Variants in PRKAR1B observed in about 807,000 individuals in gnomAD.
PRKAR1B encodes the protein protein kinase cAMP-dependent type I regulatory subunit beta.
PRKAR1B carries 22 observed loss-of-function variants against 46.5 expected under a neutral mutation model. That is an observed-to-expected ratio of 0.47 (90% CI 0.34 to 0.68). PRKAR1B has a LOEUF of 0.68. PRKAR1B is among the 30% of genes least tolerant of loss of function. The pLI is 0.01. For synonymous variants in PRKAR1B, 259 were observed against 217.7 expected (o/e 1.19, Z -1.67); for missense variants, 445 against 535.6 (o/e 0.83, Z 1.67).
chr7:614,441 G>A (rs1013274982), intron 4 of PRKAR1B, among the ~76,000 whole-genome samples: 7 of 152,150 alleles, frequency 4.6e-5, no homozygotes, highest in African/African-American at 1.7e-4. Context: ...TCACAGACAA[G>A]GAAGCTGAGG....
intron 7 of PRKAR1B, among the ~76,000 whole-genome samples, chr7:589,189 C>T (rs978012697): frequency 2.0e-5 from 3 of 151,628 alleles, no homozygotes; most frequent in African/African-American, 4.8e-5. Context: ...CTCTGGTCTT[C>T]GGTTTCTCCA....
At chr7:705,975 G>A (rs537941075) in intron 2 of PRKAR1B, among the ~76,000 whole-genome samples, 5 of 152,008 alleles carry the variant, frequency 3.3e-5, no homozygotes, top group South Asian at 2.1e-4. Flanking sequence ...GCAGTGAGCT[G>A]AGACTGTGCC....
At chr7:709,531 C>T (rs1181393548) in intron 2 of PRKAR1B, among the ~76,000 whole-genome samples, 14 of 151,962 alleles carry the variant, frequency 9.2e-5, no homozygotes, top group Non-Finnish European at 1.8e-4. Flanking sequence ...CCACCTCGCC[C>T]GGCTAATTTT....
intron 9 of PRKAR1B, among the ~76,000 whole-genome samples, chr7:571,257 C>T (rs934440903): frequency 1.3e-5 from 2 of 152,214 alleles, no homozygotes; most frequent in African/African-American, 2.4e-5. Flanking sequence ...GTCCGAGACC[C>T]CAGCCAGGAG....
At chr7:705,684 T>C (rs1780286174) in intron 2 of PRKAR1B, among the ~76,000 whole-genome samples, 2 of 152,148 alleles carry the variant, frequency 1.3e-5, no homozygotes, top group South Asian at 4.1e-4. Context: ...AATCCATCTA[T>C]GCAACAGAAC....
At chr7:599,974 C>T (rs1413852537) in intron 6 of PRKAR1B, among the ~76,000 whole-genome samples, 1 of 122,470 alleles carries the variant, frequency 8.2e-6, no homozygotes, top group Admixed American at 7.7e-5. Flanking sequence ...GCAGGCCCCC[C>T]ATTCACCTTC....
chr7:583,438 A>ACTCACACAC, intron 8 of PRKAR1B, among the ~76,000 whole-genome samples: 1 of 117,656 alleles, frequency 8.5e-6, no homozygotes, highest in African/African-American at 3.2e-5. Context: ...ACACACCCAC[A>ACTCACACAC]GTGCACACTC....
intron 7 of PRKAR1B, among the ~76,000 whole-genome samples, chr7:586,764 T>C (rs981682947): frequency 2.6e-5 from 4 of 152,182 alleles, no homozygotes; most frequent in South Asian, 2.1e-4. Flanking sequence ...TAGGTTAAGA[T>C]AGAAAACTAT....
chr7:698,246 AT>A (rs1232319406), intron 2 of PRKAR1B, among the ~76,000 whole-genome samples: 1 of 152,142 alleles, frequency 6.6e-6, no homozygotes, highest in Non-Finnish European at 1.5e-5. Flanking sequence ...CTCTATAAAA[AT>A]ATTAAGAAAA....
At position 584,510 on chromosome 7, in the gene PRKAR1B, A is replaced by C. The variant is rs1352802448; in HGVS notation, c.767T>G (p.Leu256Arg). The change falls in exon 8 of 11, where the codon CTA becomes CGA. Residue 256 changes from leucine to arginine, a missense_variant and splice_region_variant. Around this residue, in one of 5 missense-constraint regions of PRKAR1B, gnomAD observed 51 missense variants for 85.1 expected, o/e 0.60. Coordinates refer to ENST00000537384, the MANE Select transcript of PRKAR1B (RefSeq NM_001164760.2). ...YEEFLSKVSI[L>R]ESLEKWERLT... ...CGTGCAGGGGCGCAGCCACTGACCT[A>C]GGATGGAGACCTTGCTGAGGAACTC... The C allele has an allele frequency of 6.2e-7, 1 of 1,613,734 alleles. No homozygotes were observed. Among genetic ancestry groups the C allele is most frequent in the Non-Finnish European group, 8.5e-7 (1 of 1,179,916 alleles).
At chr7:681,656 G>T (rs537900559) in intron 2 of PRKAR1B, among the ~76,000 whole-genome samples, 4 of 152,286 alleles carry the variant, frequency 2.6e-5, no homozygotes, top group Non-Finnish European at 5.9e-5. Context: ...TCCTCCACGT[G>T]GGCTGGGGTT....
chr7:550,306 C>T lies in PRKAR1B; in HGVS notation c.*124G>A. 1.3e-6 allele frequency: 1 copy of T among 772,358 alleles called. No individual in the cohort carries two copies. The highest frequency in any genetic ancestry group is 1.8e-5 in the South Asian group (1 of 56,834). The allele number at this position is 772,358 out of a possible 1,614,324, so 47.8% of individuals were successfully genotyped here. ...GTGAGTCCGGGGAAGGGGCAGTCCTCACGCTGCCGGGACCCAGCCCCACCC... is the reference window on the plus strand; with the variant it reads ...GTGAGTCCGGGGAAGGGGCAGTCCTTACGCTGCCGGGACCCAGCCCCACCC... On this transcript the variant is annotated 3_prime_UTR_variant, in exon 11 of 11. Coordinates refer to ENST00000537384, the MANE Select transcript of PRKAR1B (RefSeq NM_001164760.2).
intron 9 of PRKAR1B, among the ~76,000 whole-genome samples, chr7:566,438 TCACCAC>T (rs1213221173): frequency 3.7e-5 from 5 of 134,356 alleles, no homozygotes; most frequent in African/African-American, 1.4e-4. Context: ...ACCATCACCA[TCACCAC>T]AACCATCATC....
At chr7:688,826 G>T (rs1246633152) in intron 2 of PRKAR1B, among the ~76,000 whole-genome samples, 2 of 152,194 alleles carry the variant, frequency 1.3e-5, no homozygotes, top group African/African-American at 2.4e-5. Flanking sequence ...CATGGTTATT[G>T]TCTGTCTCCC....
intron 4 of PRKAR1B, among the ~76,000 whole-genome samples, chr7:665,733 G>T (rs952718356): frequency 6.6e-6 from 1 of 152,234 alleles, no homozygotes; most frequent in Non-Finnish European, 1.5e-5. Flanking sequence ...AAGCCAGAAT[G>T]GGGAGAGGGG....
chr7:553,184 G>C (rs28664217), intron 9 of PRKAR1B, among the ~76,000 whole-genome samples: 26,905 of 152,230 alleles, frequency 0.18, 2,842 homozygotes, highest in African/African-American at 0.3. Flanking sequence ...ACCTAGGAAT[G>C]TCCCGCTGAC....
At chr7:636,315 G>GA (rs1466800029) in intron 4 of PRKAR1B, among the ~76,000 whole-genome samples, 1 of 8,196 alleles carries the variant, frequency 1.2e-4, no homozygotes, top group Non-Finnish European at 2.4e-4. Context: ...TCCTCCACCG[G>GA]CCGCGCCCAC....
At chr7:596,020 A>C (rs1037745407) in intron 7 of PRKAR1B, 126 bp downstream of exon 7, 4 of 1,238,602 alleles carry the variant, frequency 3.2e-6, no homozygotes, top group Non-Finnish European at 4.4e-6. Flanking sequence ...CACAGGCCAG[A>C]TCTGTCAGGG....
chr7:716,044 TA>T (rs1334119674), intron 1 of PRKAR1B, among the ~76,000 whole-genome samples: 4 of 144,426 alleles, frequency 2.8e-5, no homozygotes, highest in South Asian at 2.4e-4. Context: ...TTTTTTTTTT[TA>T]AATCTTTTTG....
Sources: allele counts gnomAD v4.1 joint callset (sites outside exome capture counted in the v4.1 genomes callset), GRCh38; gene constraint gnomAD v4.1.1; regional missense constraint gnomAD v4.1.1; transcripts MANE v1.5; gene names NCBI Gene and HGNC (gene_info 2026-07-23, HGNC 2026-07-21).